The following KCNH1 variants were observed in gnomAD, a reference collection of about 807,000 sequenced individuals.
KCNH1 encodes the protein potassium voltage-gated channel subfamily H member 1.
A neutral mutation model predicts 69.2 loss-of-function variants in KCNH1; 27 were observed. That is an observed-to-expected ratio of 0.39 (90% CI 0.29 to 0.54). The LOEUF is 0.54. Ranked by LOEUF, KCNH1 falls within the 20% of genes least tolerant of loss-of-function variation. KCNH1 has a pLI of 0.68. For missense variants in KCNH1, 798 were observed against 1,261.6 expected (o/e 0.63, Z 5.57); for synonymous variants, 456 against 487.7 (o/e 0.93, Z 0.86).
At position 211,078,791 on chromosome 1, in the gene KCNH1, G is replaced by A. The variant is rs939907741; in HGVS notation, c.558+3989C>T. On this transcript the variant is annotated intron_variant, in intron 5 of 10. Coordinates refer to ENST00000271751, the MANE Select transcript of KCNH1 (RefSeq NM_172362.3). Reference sequence around the variant, plus strand: ...ATCATAGACAGGCATGGTGGTGGGCGCCTATAGTCCCAGCTGCTCGGGAGG... The same window carrying A: ...ATCATAGACAGGCATGGTGGTGGGCACCTATAGTCCCAGCTGCTCGGGAGG... Among the ~76,000 whole-genome samples, 10 of 151,830 alleles carry A rather than the reference G, an allele frequency of 6.6e-5. 1 individual carries two copies. Among genetic ancestry groups the A allele is most frequent in the African/African-American group, 1.4e-4 (6 of 41,428 alleles).
At chr1:211,033,388 A>G (rs1475449391) in intron 5 of KCNH1, among the ~76,000 whole-genome samples, 3 of 152,218 alleles carry the variant, frequency 2.0e-5, no homozygotes, top group Admixed American at 6.5e-5. Flanking sequence ...TAGAAATACC[A>G]TTTGACCCAG....
At chr1:210,861,208 C>T (rs1382962990) in intron 7 of KCNH1, 21 of 972,862 alleles carry the variant, frequency 2.2e-5, no homozygotes, top group Non-Finnish European at 3.5e-5. Flanking sequence ...TATAACACAT[C>T]AATGGAAAAA....
intron 5 of KCNH1, chr1:211,063,499 G>A (rs1359929719): frequency 1.3e-5 from 2 of 152,230 alleles, no homozygotes; most frequent in Non-Finnish European, 1.5e-5. Context: ...CTAGCACTTT[G>A]AGAGGCCAAG....
intron 5 of KCNH1, among the ~76,000 whole-genome samples, chr1:211,024,949 G>T (rs1276826154): frequency 6.6e-6 from 1 of 152,170 alleles, no homozygotes; most frequent in Non-Finnish European, 1.5e-5. Context: ...GATGGTGACA[G>T]GATCACAAAA....
intron 6 of KCNH1, among the ~76,000 whole-genome samples, chr1:210,982,912 C>T (rs1558552884): frequency 6.6e-6 from 1 of 152,198 alleles, no homozygotes; most frequent in African/African-American, 2.4e-5. Context: ...CCTATTTCTC[C>T]ACATCCTCTC....
At chr1:210,985,261 G>GT (rs1190397069) in intron 6 of KCNH1, among the ~76,000 whole-genome samples, 2 of 152,098 alleles carry the variant, frequency 1.3e-5, no homozygotes, top group Non-Finnish European at 2.9e-5. Flanking sequence ...TTTTTGAAGG[G>GT]TTTTTTGTGT....
intron 5 of KCNH1, among the ~76,000 whole-genome samples, chr1:211,050,292 G>GAAAAAAAAAAAAAAAAAAAAAAAA (rs1571607729): frequency 1.9e-5 from 1 of 53,968 alleles, no homozygotes. Context: ...AAAAAAAAAG[G>GAAAAAAAAAAAAAAAAAAAAAAAA]ACAGCTTGAT....
At chr1:211,119,778 T>C (rs907855820) in intron 1 of KCNH1, among the ~76,000 whole-genome samples, 1 of 152,194 alleles carries the variant, frequency 6.6e-6, no homozygotes, top group Non-Finnish European at 1.5e-5. Context: ...TCTCAAGAGA[T>C]TCAATAGTTA....
chr1:211,115,503 C>T (rs1402482830), intron 1 of KCNH1, among the ~76,000 whole-genome samples: 2 of 151,794 alleles, frequency 1.3e-5, no homozygotes, highest in African/African-American at 4.8e-5. Context: ...ATAAAGCAGG[C>T]AGAAAAACGT....
intron 6 of KCNH1, among the ~76,000 whole-genome samples, chr1:210,978,201 G>A (rs1688649520): frequency 6.6e-6 from 1 of 151,816 alleles, no homozygotes; most frequent in South Asian, 2.1e-4. Flanking sequence ...ACCACACCTG[G>A]CTAATTTTTT....
At position 211,076,197 on chromosome 1, in the gene KCNH1, A is replaced by G. The variant is rs980094633; in HGVS notation, c.558+6583T>C. 3.3e-5 allele frequency among the ~76,000 whole-genome samples: 5 copies of G among 152,236 alleles called. No individual in the cohort carries two copies. The East Asian group carries it at 9.6e-4, about 29-fold the overall frequency. On this transcript the variant is annotated intron_variant, in intron 5 of 10. Transcript: ENST00000271751. ...ACAGCAGACAACTTCTGCAGACTTA[A>G]ACATCCCTGTCTAACAGCTCTGAAG...
intron 5 of KCNH1, among the ~76,000 whole-genome samples, chr1:211,041,464 C>G (rs1689993760): frequency 6.6e-6 from 1 of 152,188 alleles, no homozygotes; most frequent in African/African-American, 2.4e-5. Flanking sequence ...TTCACTACCT[C>G]TCACTCACTT....
chr1:210,956,224 G>C (rs1044543886), intron 6 of KCNH1, among the ~76,000 whole-genome samples: 1 of 152,166 alleles, frequency 6.6e-6, no homozygotes, highest in Admixed American at 6.5e-5. Context: ...TGAGTATGTT[G>C]AATAAGACTT....
intron 7 of KCNH1, among the ~76,000 whole-genome samples, chr1:210,870,869 T>C (rs1250805165): frequency 6.6e-6 from 1 of 152,206 alleles, no homozygotes; most frequent in Non-Finnish European, 1.5e-5. Flanking sequence ...TATCTTCACT[T>C]CAACCCATCC....
rs563618879 is a variant in KCNH1 at position 210,731,588 on chromosome 1, A to C, written c.2112+43760T>G. Among the ~76,000 whole-genome samples the C allele has an allele frequency of 2.2e-3, 341 of 152,240 alleles. 1 individual carries two copies. Among genetic ancestry groups the C allele is most frequent in the African/African-American group, 8.0e-3 (331 of 41,576 alleles). ...AGGGCTTATTTCCAGTTACTGGGGA[A>C]ATTTTATGAAAAAGATGAGATCTCA... is the stretch of plus-strand genomic sequence containing the variant. On this transcript the variant is annotated intron_variant, in intron 10 of 10. Transcript: ENST00000271751.
chr1:210,773,127 C>CA (rs1434046424), intron 10 of KCNH1, among the ~76,000 whole-genome samples: 1 of 152,106 alleles, frequency 6.6e-6, no homozygotes, highest in Admixed American at 6.6e-5. Flanking sequence ...AGGAATACAT[C>CA]AAAAAATAGC....
At chr1:210,990,934 G>A (rs917904518) in intron 6 of KCNH1, among the ~76,000 whole-genome samples, 13 of 152,118 alleles carry the variant, frequency 8.5e-5, no homozygotes, top group African/African-American at 3.1e-4. Context: ...GACAATCCAT[G>A]TTTTGCTTTA....
intron 10 of KCNH1, among the ~76,000 whole-genome samples, chr1:210,760,165 C>A (rs1476002953): frequency 1.3e-5 from 2 of 152,118 alleles, no homozygotes; most frequent in African/African-American, 2.4e-5. Context: ...TTGAGGACTG[C>A]TGCTATACAA....
At chr1:210,771,207 G>A (rs1683747183) in intron 10 of KCNH1, among the ~76,000 whole-genome samples, 1 of 152,192 alleles carries the variant, frequency 6.6e-6, no homozygotes, top group African/African-American at 2.4e-5. Flanking sequence ...GATGAGGAAG[G>A]CTCTACTTCC....
Sources: gnomAD v4.1 joint callset for allele counts (sites outside exome capture counted in the v4.1 genomes callset) on GRCh38, gnomAD v4.1.1 for gene constraint, MANE v1.5 for transcripts, NCBI Gene and HGNC (gene_info 2026-07-23, HGNC 2026-07-21) for gene names.